Variants in CCDC91 observed in about 807,000 individuals in gnomAD.
The protein encoded by CCDC91 is coiled-coil domain-containing protein 91.
Under a neutral mutation model 63.2 loss-of-function variants are expected in CCDC91, and 48 were observed. The observed-to-expected ratio is 0.76, with a 90% CI of 0.60 to 0.97. The LOEUF is 0.97. Among genes scored for constraint, CCDC91 ranks in the 50% least tolerant of loss-of-function variants. The probability of loss-of-function intolerance (pLI) is 0.00; values close to 1 mark genes in which losing one functional copy is unlikely to be tolerated. For missense variants in CCDC91, 500 were observed against 494.6 expected, an observed-to-expected ratio of 1.01 and a Z score of -0.10; for synonymous variants, 167 against 165.8, an observed-to-expected ratio of 1.01 and a Z score of -0.06.
chr12:28,400,335 T>C (rs1419474250), intron 8 of CCDC91, among the ~76,000 whole-genome samples: 1 of 151,490 alleles, frequency 6.6e-6, no homozygotes, highest in African/African-American at 2.4e-5. Flanking sequence ...TCCTGAGGTC[T>C]CTCCACACCC....
intron 12 of CCDC91, among the ~76,000 whole-genome samples, chr12:28,534,826 C>G (rs1032977796): frequency 2.8e-4 from 42 of 152,152 alleles, no homozygotes; most frequent in Non-Finnish European, 8.8e-5. Flanking sequence ...ATCATCCTCT[C>G]CAAACGTTAT....
chr12:28,321,021 G>A (rs1425878779), intron 6 of CCDC91, among the ~76,000 whole-genome samples: 1 of 151,844 alleles, frequency 6.6e-6, no homozygotes, highest in Non-Finnish European at 1.5e-5. Context: ...GTTTTGAAAG[G>A]AATAGGTAAG....
chr12:28,463,071 C>T (rs889924381), intron 11 of CCDC91, among the ~76,000 whole-genome samples: 1 of 152,108 alleles, frequency 6.6e-6, no homozygotes, highest in Non-Finnish European at 1.5e-5. Context: ...ATGGTAGCTT[C>T]TACAGAAGTT....
At chr12:28,402,548 T>C (rs1946693386) in intron 8 of CCDC91, among the ~76,000 whole-genome samples, 1 of 95,234 alleles carries the variant, frequency 1.1e-5, no homozygotes, top group Non-Finnish European at 2.2e-5. Flanking sequence ...TTTTTTTGTC[T>C]ACTCTTTGGA....
chr12:28,208,940 A>C (rs957181135), intron 1 of CCDC91, among the ~76,000 whole-genome samples: 15 of 151,244 alleles, frequency 9.9e-5, no homozygotes, highest in African/African-American at 3.6e-4. Context: ...AGCTGGGACT[A>C]CAGGTGCCTG....
chr12:28,233,664 G>T (rs1344504325), intron 1 of CCDC91, among the ~76,000 whole-genome samples: 1 of 152,052 alleles, frequency 6.6e-6, no homozygotes, highest in African/African-American at 2.4e-5. Context: ...TATTTTGTTA[G>T]CATAAGTCAA....
At chr12:28,295,372 G>A (rs554121774) in intron 3 of CCDC91, among the ~76,000 whole-genome samples, 1 of 151,922 alleles carries the variant, frequency 6.6e-6, no homozygotes, top group South Asian at 2.1e-4. Flanking sequence ...ATGTCAAAAT[G>A]AAAATTTTAA....
chr12:28,478,243 G>T (rs532099680), intron 11 of CCDC91, among the ~76,000 whole-genome samples: 82 of 152,190 alleles, frequency 5.4e-4, no homozygotes, highest in Admixed American at 9.2e-4. Context: ...AAAACAGCAT[G>T]GTACTGTTAC....
intron 6 of CCDC91, among the ~76,000 whole-genome samples, chr12:28,350,996 AG>A (rs1156355647): frequency 6.6e-6 from 1 of 152,194 alleles, no homozygotes; most frequent in African/African-American, 2.4e-5. Flanking sequence ...AAAACTTTTT[AG>A]GGGCACAATG....
At chr12:28,414,379 A>G (rs573350482) in intron 8 of CCDC91, among the ~76,000 whole-genome samples, 5 of 152,286 alleles carry the variant, frequency 3.3e-5, no homozygotes, top group Non-Finnish European at 5.9e-5. Context: ...AAGAAGGTGA[A>G]AGTTGCTTTT....
chr12:28,446,707 C>T (rs1276460616), intron 8 of CCDC91, among the ~76,000 whole-genome samples: 1 of 152,112 alleles, frequency 6.6e-6, no homozygotes, highest in African/African-American at 2.4e-5. Context: ...TCAAGTGATC[C>T]ATCCATCTTG....
In CCDC91 at chr12:28,389,093, C is replaced by G. The variant is rs188962258; in HGVS notation, c.655-2211C>G. On this transcript the variant is annotated intron_variant, in intron 7 of 12. Transcript: ENST00000536442. ...CCCACAGAGTGGGAGAAAATCTTCA[C>G]CATCTGATTCAAAGGACTAATATCC... 2.4e-3 allele frequency among the ~76,000 whole-genome samples: 365 copies of G among 152,266 alleles called. 5 individuals are homozygous for G. The highest frequency in any genetic ancestry group is 1.4e-3 in the Admixed American group (22 of 15,286).
At chr12:28,205,260 C>A in intron 1 of CCDC91, among the ~76,000 whole-genome samples, 1 of 150,442 alleles carries the variant, frequency 6.6e-6, no homozygotes. Flanking sequence ...TTTTAACATG[C>A]AAGTCTAATA....
At chr12:28,290,404 T>C (rs1474902492) in intron 3 of CCDC91, among the ~76,000 whole-genome samples, 1 of 152,230 alleles carries the variant, frequency 6.6e-6, no homozygotes, top group Non-Finnish European at 1.5e-5. Context: ...TGTCATTACA[T>C]GTGAGATGGG....
intron 8 of CCDC91, among the ~76,000 whole-genome samples, chr12:28,427,250 G>A (rs1398776908): frequency 6.6e-6 from 1 of 152,106 alleles, no homozygotes; most frequent in Non-Finnish European, 1.5e-5. Context: ...AAAGGCTAGA[G>A]CGCGCTGGAA....
intron 1 of CCDC91, among the ~76,000 whole-genome samples, chr12:28,196,619 T>C (rs1233695867): frequency 2.6e-5 from 4 of 152,222 alleles, no homozygotes; most frequent in Admixed American, 6.5e-5. Context: ...GCCAAGGAAG[T>C]TCTCTTTAAC....
intron 3 of CCDC91, among the ~76,000 whole-genome samples, chr12:28,292,099 G>A (rs1337962133): frequency 6.6e-6 from 1 of 152,140 alleles, no homozygotes; most frequent in African/African-American, 2.4e-5. Flanking sequence ...TTTGCTTTTT[G>A]TCTAACATCA....
intron 11 of CCDC91, among the ~76,000 whole-genome samples, chr12:28,471,244 T>A (rs1271596764): frequency 6.6e-6 from 1 of 152,188 alleles, no homozygotes; most frequent in African/African-American, 2.4e-5. Flanking sequence ...AGACTCAGAA[T>A]ATAATTAGGC....
At chr12:28,479,699 C>A (rs1432932567) in intron 11 of CCDC91, among the ~76,000 whole-genome samples, 1 of 151,938 alleles carries the variant, frequency 6.6e-6, no homozygotes, top group Admixed American at 6.6e-5. Context: ...CATATATACC[C>A]TAGATCAGAG....
Sources: gnomAD v4.1 joint callset for allele counts (sites outside exome capture counted in the v4.1 genomes callset) on GRCh38, gnomAD v4.1.1 for gene constraint, MANE v1.5 for transcripts, NCBI Gene and HGNC (gene_info 2026-07-23, HGNC 2026-07-21) for gene names.